Variants in DMRT1 observed in about 807,000 individuals in gnomAD.
The protein encoded by DMRT1 is doublesex- and mab-3-related transcription factor 1.
Under a neutral mutation model 32.3 loss-of-function variants are expected in DMRT1, and 7 were observed. The ratio of observed to expected loss-of-function variants is 0.22; its 90% CI spans 0.12 to 0.41. DMRT1 has a LOEUF of 0.41. Among genes scored for constraint, DMRT1 ranks in the 10% least tolerant of loss-of-function variants. The pLI, the probability that DMRT1 is intolerant of heterozygous loss-of-function variation, is 1.00. For synonymous variants in DMRT1, 278 were observed against 206.1 expected (o/e 1.35, Z -2.99); for missense variants, 625 against 500.5 (o/e 1.25, Z -2.37).
At chr9:888,638 C>T (rs1035880338) in intron 2 of DMRT1, among the ~76,000 whole-genome samples, 2 of 151,836 alleles carry the variant, frequency 1.3e-5, no homozygotes, top group African/African-American at 4.8e-5. Flanking sequence ...TCAGGACTGT[C>T]ACAGCGATGC....
intron 4 of DMRT1, among the ~76,000 whole-genome samples, chr9:956,233 G>T (rs182998853): frequency 6.6e-6 from 1 of 152,180 alleles, no homozygotes; most frequent in Non-Finnish European, 1.5e-5. Context: ...AAATCATAGA[G>T]CCAGAAAGTA....
chr9:905,142 A>T (rs903184548), intron 3 of DMRT1, among the ~76,000 whole-genome samples: 25 of 152,028 alleles, frequency 1.6e-4, no homozygotes, highest in African/African-American at 5.6e-4. Context: ...TTTTATTTTT[A>T]AAAAATTATC....
At chr9:858,862 AAAAAAAAAAT>A (rs1348933672) in intron 2 of DMRT1, among the ~76,000 whole-genome samples, 68 of 68,004 alleles carry the variant, frequency 1.0e-3, no homozygotes, top group South Asian at 4.6e-3. Flanking sequence ...TCAAAAAAAA[AAAAAAAAAAT>A]ATATATATAT....
intron 4 of DMRT1, among the ~76,000 whole-genome samples, chr9:945,844 T>C (rs905835870): frequency 2.0e-5 from 3 of 152,048 alleles, no homozygotes; most frequent in Non-Finnish European, 2.9e-5. Flanking sequence ...AGCTAAACTC[T>C]TGATGTGTGT....
Position 842,137 on chromosome 9 carries a change from G to A in DMRT1, c.299G>A (p.Cys100Tyr). The A allele has an allele frequency of 6.5e-7, 1 of 1,547,540 alleles. No homozygotes were observed. ...AAGCGCTTCTGCATGTGGCGCGACTGCCAGTGCAAGAAGTGCAACCTGATC... is the reference window on the plus strand; with the variant it reads ...AAGCGCTTCTGCATGTGGCGCGACTACCAGTGCAAGAAGTGCAACCTGATC... ...GHKRFCMWRD[C>Y]QCKKCNLIAE... Residue 100 changes from cysteine to tyrosine, a missense_variant, in exon 1 of 5, where the codon TGC (cysteine) becomes TAC (tyrosine). By Grantham distance (194) the Cys-to-Tyr change is radical. Coordinates refer to ENST00000382276, the MANE Select transcript of DMRT1 (RefSeq NM_021951.3).
chr9:907,896 AT>A (rs1361252560), intron 3 of DMRT1, among the ~76,000 whole-genome samples: 2 of 151,864 alleles, frequency 1.3e-5, no homozygotes, highest in Non-Finnish European at 2.9e-5. Flanking sequence ...ATACTGAATT[AT>A]TTGAGGGCCC....
chr9:933,213 C>T (rs376806383), intron 4 of DMRT1, among the ~76,000 whole-genome samples: 7 of 152,188 alleles, frequency 4.6e-5, no homozygotes, highest in African/African-American at 7.2e-5. Flanking sequence ...CACCACGCCC[C>T]GGTGAGAGCT....
intron 1 of DMRT1, among the ~76,000 whole-genome samples, chr9:843,625 T>C (rs1474115946): frequency 6.6e-6 from 1 of 152,232 alleles, no homozygotes; most frequent in Non-Finnish European, 1.5e-5. Flanking sequence ...AAAAGGATTT[T>C]TGGAAGGCAG....
chr9:878,360 T>A (rs1017124999), intron 2 of DMRT1, among the ~76,000 whole-genome samples: 3 of 152,112 alleles, frequency 2.0e-5, no homozygotes, highest in Non-Finnish European at 4.4e-5. Context: ...TGGGTTGCAT[T>A]TGCCTCACTA....
At chr9:909,897 A>G (rs1817911679) in intron 3 of DMRT1, among the ~76,000 whole-genome samples, 1 of 152,112 alleles carries the variant, frequency 6.6e-6, no homozygotes, top group Non-Finnish European at 1.5e-5. Flanking sequence ...AATTTTTTGT[A>G]GAGATGGAGT....
At chr9:855,990 C>T (rs61161947) in intron 2 of DMRT1, among the ~76,000 whole-genome samples, 1 of 151,986 alleles carries the variant, frequency 6.6e-6, no homozygotes, top group Non-Finnish European at 1.5e-5. Context: ...GATCTCGGCT[C>T]ACTGCAACCT....
intron 4 of DMRT1, among the ~76,000 whole-genome samples, chr9:953,300 C>A (rs1332733302): frequency 6.6e-6 from 1 of 151,912 alleles, no homozygotes; most frequent in Non-Finnish European, 1.5e-5. Flanking sequence ...GTCTGTGTAT[C>A]TTTTTGGTCT....
chr9:865,101 T>C (rs1669845543), intron 2 of DMRT1, among the ~76,000 whole-genome samples: 1 of 152,234 alleles, frequency 6.6e-6, no homozygotes. Context: ...TGCGTTGATG[T>C]GGAATGAGCA....
At chr9:909,937 C>T (rs1817914717) in intron 3 of DMRT1, among the ~76,000 whole-genome samples, 1 of 152,146 alleles carries the variant, frequency 6.6e-6, no homozygotes, top group South Asian at 2.1e-4. Flanking sequence ...TGTTCTCCAA[C>T]CCCCGGGCTC....
chr9:846,709 T>C (rs1387752000), intron 1 of DMRT1, among the ~76,000 whole-genome samples: 1 of 152,058 alleles, frequency 6.6e-6, no homozygotes, highest in Non-Finnish European at 1.5e-5. Context: ...AGCTCTTGAG[T>C]AGCTGGGATT....
chr9:841,741 T>C lies in DMRT1; in HGVS notation c.-98T>C, dbSNP rs1040248448. 7 of 1,546,686 alleles carry C rather than the reference T, an allele frequency of 4.5e-6. No individual in the cohort carries two copies. The African/African-American group carries it at 9.6e-5, about 21-fold the overall frequency. On this transcript the variant is annotated 5_prime_UTR_variant, in exon 1 of 5. Transcript: ENST00000382276. ...CTGCAGCGCACACGTCTCCTGCGCC[T>C]CCTCCTCCGGAGCGTCGCTGTCCGT...
chr9:852,566 C>T (rs1375071067), intron 2 of DMRT1, among the ~76,000 whole-genome samples: 1 of 152,156 alleles, frequency 6.6e-6, no homozygotes, highest in Non-Finnish European at 1.5e-5. Context: ...CAAAGGTCTG[C>T]ATAGTTCTCT....
At chr9:856,271 T>C (rs1387239439) in intron 2 of DMRT1, among the ~76,000 whole-genome samples, 1 of 152,198 alleles carries the variant, frequency 6.6e-6, no homozygotes, top group Non-Finnish European at 1.5e-5. Flanking sequence ...CGACTTAAGA[T>C]GTAATTCATA....
intron 3 of DMRT1, among the ~76,000 whole-genome samples, chr9:912,079 C>T (rs377740439): frequency 6.6e-6 from 1 of 152,210 alleles, no homozygotes; most frequent in African/African-American, 2.4e-5. Context: ...AACTTGCAGT[C>T]ATGTCAGAAG....
Sources: gnomAD v4.1 joint callset for allele counts (sites outside exome capture counted in the v4.1 genomes callset) on GRCh38, gnomAD v4.1.1 for gene constraint, MANE v1.5 for transcripts, NCBI Gene and HGNC (gene_info 2026-07-23, HGNC 2026-07-21) for gene names.